Variants in ATP7A observed in about 807,000 individuals in gnomAD.
ATP7A encodes ATPase copper transporting alpha, also known as copper-transporting ATPase 1.
Under a neutral mutation model 83.5 loss-of-function variants are expected in ATP7A, and 7 were observed. That is an observed-to-expected ratio of 0.08 (90% CI 0.05 to 0.16). ATP7A has a LOEUF of 0.16. ATP7A is among the 10% of genes least tolerant of loss of function. ATP7A has a pLI of 1.00. For missense variants in ATP7A, 940 were observed against 1,120.8 expected, an observed-to-expected ratio of 0.84 and a Z score of 2.30; for synonymous variants, 354 against 395.2, an observed-to-expected ratio of 0.90 and a Z score of 1.24.
chrX:77,932,874 C>G (rs369167062), intron 1 of ATP7A, among the ~76,000 whole-genome samples: 15 of 110,871 alleles, frequency 1.4e-4, no homozygotes, highest in East Asian at 5.7e-4. Context: ...AGCTTCGGCT[C>G]GGCATTAGAG....
chrX:77,922,430 G>C (rs1165687446), intron 1 of ATP7A, among the ~76,000 whole-genome samples: 1 of 110,914 alleles, frequency 9.0e-6, no homozygotes. Flanking sequence ...TTGAGCCTAG[G>C]AAGTCGAGGC....
intron 11 of ATP7A, among the ~76,000 whole-genome samples, chrX:78,014,996 G>T (rs782373748): frequency 3.4e-4 from 38 of 111,571 alleles, no homozygotes; most frequent in Non-Finnish European, 5.5e-4. Flanking sequence ...CTCTAAAAAA[G>T]GATATATTCT....
intron 16 of ATP7A, among the ~76,000 whole-genome samples, chrX:78,032,256 GT>G (rs1296165355): frequency 8.3e-5 from 9 of 107,828 alleles, no homozygotes; most frequent in Non-Finnish European, 1.2e-4. Flanking sequence ...GTGAGTGTTT[GT>G]TTTTTTTTGA....
At chrX:77,916,030 C>T (rs150581702) in intron 1 of ATP7A, among the ~76,000 whole-genome samples, 429 of 111,763 alleles carry the variant, frequency 3.8e-3, no homozygotes, top group African/African-American at 0.013. Context: ...CCTGCCACCA[C>T]GCCCGGCACA....
intron 2 of ATP7A, among the ~76,000 whole-genome samples, chrX:77,981,659 G>T (rs1319846040): frequency 9.0e-6 from 1 of 111,169 alleles, no homozygotes; most frequent in Non-Finnish European, 1.9e-5. Context: ...AAGAAAGAGA[G>T]AAAGAGAGAG....
chrX:77,939,874 G>GT (rs1368332031), intron 1 of ATP7A, among the ~76,000 whole-genome samples: 1 of 98,492 alleles, frequency 1.0e-5, no homozygotes, highest in African/African-American at 3.7e-5. Context: ...ATTTTTTTTT[G>GT]TTTTTTGGGG....
chrX:78,009,394 T>A, intron 7 of ATP7A, 131 bp downstream of exon 7: 1 of 787,658 alleles, frequency 1.3e-6, no homozygotes, highest in Non-Finnish European at 1.9e-6. Flanking sequence ...AAACAAGATC[T>A]GTCTCAAAAT....
At chrX:77,991,895 C>T (rs2077671992) in intron 4 of ATP7A, among the ~76,000 whole-genome samples, 1 of 109,185 alleles carries the variant, frequency 9.2e-6, no homozygotes, top group South Asian at 4.0e-4. Context: ...TGGTGACACA[C>T]ACCTGTAGTC....
At chrX:78,036,249 G>T (rs1364715839) in intron 17 of ATP7A, among the ~76,000 whole-genome samples, 2 of 111,323 alleles carry the variant, frequency 1.8e-5, no homozygotes, top group Non-Finnish European at 3.8e-5. Flanking sequence ...GCATAGGGGT[G>T]CTGGGAGTAG....
At chrX:78,045,424 T>G in intron 21 of ATP7A, 46 bp from the exon 22 acceptor site, 1 of 952,055 alleles carries the variant, frequency 1.1e-6, no homozygotes, top group Non-Finnish European at 1.5e-6. Context: ...ACATTAATAA[T>G]CTGTTTAGTA....
chrX:78,003,676 C>A (rs2077754618), intron 6 of ATP7A, among the ~76,000 whole-genome samples: 3 of 110,938 alleles, frequency 2.7e-5, no homozygotes, highest in Admixed American at 9.8e-5. Flanking sequence ...CATGGTGGCT[C>A]ACACCTGTAA....
At position 78,011,210 on chromosome X, in the gene ATP7A, A is replaced by C. The variant is rs1557234408; in HGVS notation, c.1904A>C (p.Asp635Ala). 1 of 1,210,886 alleles carries C rather than the reference A, an allele frequency of 8.3e-7. No individual in the cohort carries two copies. The highest frequency in any genetic ancestry group is 1.7e-5 in the African/African-American group (1 of 57,771). ...TTTGAAGCTTCTTTGGTCAAGAAGGATCGGTCAGCAAGTCACTTAGATCAT... is the reference window on the plus strand; with the variant it reads ...TTTGAAGCTTCTTTGGTCAAGAAGGCTCGGTCAGCAAGTCACTTAGATCAT... The part of the protein sequence containing the change: ...LGFEASLVKK[D>A]RSASHLDHKR... Residue 635 changes from aspartate (D) to alanine (A), a missense_variant, in exon 8 of 23, where the codon GAT (aspartate) becomes GCT (alanine). Transcript: ENST00000341514.
chrX:77,980,332 C>G (rs1409368251), intron 2 of ATP7A, among the ~76,000 whole-genome samples: 1 of 110,476 alleles, frequency 9.1e-6, no homozygotes, highest in African/African-American at 3.3e-5. Context: ...CCTGTAATCC[C>G]AGCTACTCAA....
intron 1 of ATP7A, chrX:77,923,597 CAG>C (rs1183674624): frequency 3.0e-5 from 3 of 99,834 alleles, no homozygotes; most frequent in Non-Finnish European, 6.0e-5. Context: ...TTTTTTGAGA[CAG>C]AGTCTGTTTA....
intron 14 of ATP7A, among the ~76,000 whole-genome samples, chrX:78,027,756 A>G (rs993862896): frequency 2.7e-5 from 3 of 111,662 alleles, no homozygotes; most frequent in Admixed American, 9.5e-5. Context: ...GATCAATTGA[A>G]CAAAATAGAG....
intron 14 of ATP7A, 25 bp downstream of exon 14, chrX:78,021,104 A>T (rs2077903031): frequency 5.1e-6 from 6 of 1,180,823 alleles, no homozygotes; most frequent in South Asian, 3.6e-5. Context: ...ATAACTCGTT[A>T]CTATATGCAG....
At chrX:77,992,949 G>A (rs1386158330) in intron 4 of ATP7A, among the ~76,000 whole-genome samples, 1 of 112,277 alleles carries the variant, frequency 8.9e-6, no homozygotes. Flanking sequence ...AAATGACAGT[G>A]TTTGAAATTA....
intron 15 of ATP7A, 34 bp downstream of exon 15, chrX:78,029,478 C>A: frequency 8.7e-7 from 1 of 1,153,898 alleles, no homozygotes; most frequent in Non-Finnish European, 1.2e-6. Context: ...ACCTGTACCA[C>A]CAAACTATCA....
chrX:77,969,638 T>C, intron 1 of ATP7A: 5 of 1,211,736 alleles, frequency 4.1e-6, no homozygotes, highest in Non-Finnish European at 5.6e-6. Flanking sequence ...TAGGCGGCCA[T>C]GGCGGTGGGC....
Sources: gnomAD v4.1 joint callset for allele counts (sites outside exome capture counted in the v4.1 genomes callset) on GRCh38, gnomAD v4.1.1 for gene constraint, MANE v1.5 for transcripts, NCBI Gene and HGNC (gene_info 2026-07-23, HGNC 2026-07-21) for gene names.